TRDN: variants seen among roughly 807,000 people sequenced by gnomAD.
TRDN encodes triadin in skeletal muscle.
A neutral mutation model predicts 149.7 loss-of-function variants in TRDN; 161 were observed. The observed-to-expected ratio is 1.08, with a 90% CI of 0.95 to 1.23. The LOEUF (loss-of-function observed/expected upper bound fraction) is 1.23, where lower values mean the gene tolerates loss of function less well. Ranked by LOEUF, TRDN falls within the 50% of genes most tolerant of loss-of-function variation. The pLI, the probability that TRDN is intolerant of heterozygous loss-of-function variation, is 0.00. For synonymous variants in TRDN, 294 were observed against 250.5 expected (o/e 1.17, Z -1.64); for missense variants, 896 against 823.5 (o/e 1.09, Z -1.08).
At chr6:123,242,266 A>G (rs762597178) in intron 38 of TRDN, among the ~76,000 whole-genome samples, 3 of 152,150 alleles carry the variant, frequency 2.0e-5, no homozygotes, top group Non-Finnish European at 4.4e-5. Context: ...TTTAGAGAAA[A>G]AGTTTTCAAA....
chr6:123,400,999 T>A (rs1772945691), intron 12 of TRDN, among the ~76,000 whole-genome samples: 1 of 152,210 alleles, frequency 6.6e-6, no homozygotes, highest in African/African-American at 2.4e-5. Flanking sequence ...TTCTTGGTAC[T>A]GAGCAGCCAT....
intron 1 of TRDN, among the ~76,000 whole-genome samples, chr6:123,598,942 G>C (rs1476804190): frequency 6.6e-6 from 1 of 152,080 alleles, no homozygotes; most frequent in Non-Finnish European, 1.5e-5. Context: ...GGAAATAAAA[G>C]TAGTGCTAGG....
chr6:123,259,509 C>A, intron 35 of TRDN, 115 bp downstream of exon 35: 1 of 678,016 alleles, frequency 1.5e-6, no homozygotes. Flanking sequence ...GCTATAAAAT[C>A]AGTGTCTTCA....
At chr6:123,265,787 C>T (rs887357443) in intron 32 of TRDN, among the ~76,000 whole-genome samples, 7 of 97,742 alleles carry the variant, frequency 7.2e-5, no homozygotes, top group African/African-American at 3.0e-4. Flanking sequence ...CTAACTCTCC[C>T]AATCCCGTAT....
chr6:123,244,805 A>C (rs2114552871), intron 38 of TRDN, among the ~76,000 whole-genome samples: 1 of 152,312 alleles, frequency 6.6e-6, no homozygotes. Context: ...AGATTCACCA[A>C]GGTTGAAATG....
chr6:123,635,221 C>G (rs963114354), intron 1 of TRDN, among the ~76,000 whole-genome samples: 3 of 151,882 alleles, frequency 2.0e-5, no homozygotes, highest in Non-Finnish European at 4.4e-5. Context: ...CAACATGACA[C>G]AGAATATCTA....
chr6:123,305,362 A>T (rs1029748799), intron 24 of TRDN, among the ~76,000 whole-genome samples: 2 of 152,142 alleles, frequency 1.3e-5, no homozygotes, highest in African/African-American at 4.8e-5. Context: ...CTGTTATTAG[A>T]TTGTAACTCT....
chr6:123,574,192 A>G (rs1292275808), intron 1 of TRDN, among the ~76,000 whole-genome samples: 1 of 152,036 alleles, frequency 6.6e-6, no homozygotes, highest in Non-Finnish European at 1.5e-5. Context: ...AATTTAATTA[A>G]GATGTTTAAA....
intron 1 of TRDN, among the ~76,000 whole-genome samples, chr6:123,601,579 C>T (rs1321877): frequency 6.6e-6 from 1 of 151,820 alleles, no homozygotes; most frequent in Admixed American, 6.6e-5. Context: ...AAAAGGAGTT[C>T]CCTCCTCTAA....
At chr6:123,385,154 G>A (rs755842459) in intron 14 of TRDN, among the ~76,000 whole-genome samples, 8 of 152,138 alleles carry the variant, frequency 5.3e-5, no homozygotes, top group Non-Finnish European at 7.3e-5. Context: ...CCAGCTGGGC[G>A]CGGTGGCTCA....
chr6:123,605,858 G>T (rs1784507989), intron 1 of TRDN, among the ~76,000 whole-genome samples: 1 of 152,064 alleles, frequency 6.6e-6, no homozygotes, highest in South Asian at 2.1e-4. Flanking sequence ...TAACTTTTAT[G>T]CCTATTAAGC....
chr6:123,409,690 TACACACACACAC>T (rs5879677), intron 12 of TRDN, among the ~76,000 whole-genome samples: 2 of 149,410 alleles, frequency 1.3e-5, no homozygotes, highest in Non-Finnish European at 1.5e-5. Flanking sequence ...TAATGTAATT[TACACACACACAC>T]ACACACACAC....
In TRDN at chr6:123,333,288, G is replaced by A. The variant is rs528545437; in HGVS notation, c.1421-1359C>T. Reference sequence around the variant, plus strand: ...AAGATTCAGCATGTTGATCTAAATGGGTGAGTGTGTATGTTTGTGTGAGGG... The same window carrying A: ...AAGATTCAGCATGTTGATCTAAATGAGTGAGTGTGTATGTTTGTGTGAGGG... On this transcript the variant is annotated intron_variant, in intron 22 of 40. Transcript: ENST00000334268. Among the ~76,000 whole-genome samples the A allele has an allele frequency of 1.2e-4, 18 of 152,022 alleles. No homozygotes were observed. In the South Asian group the frequency reaches 3.1e-3, roughly 26 times the overall value.
intron 9 of TRDN, among the ~76,000 whole-genome samples, chr6:123,490,207 G>C (rs1778154876): frequency 6.6e-6 from 1 of 152,130 alleles, no homozygotes; most frequent in African/African-American, 2.4e-5. Flanking sequence ...TACTATAGTA[G>C]TTCCCTCTTA....
At chr6:123,298,307 A>G (rs1195134460) in intron 24 of TRDN, among the ~76,000 whole-genome samples, 1 of 152,016 alleles carries the variant, frequency 6.6e-6, no homozygotes, top group East Asian at 1.9e-4. Context: ...TTCTGCCTTC[A>G]TTGTAGCCTC....
intron 38 of TRDN, among the ~76,000 whole-genome samples, chr6:123,235,179 C>G (rs1246358958): frequency 6.6e-6 from 1 of 152,096 alleles, no homozygotes; most frequent in Non-Finnish European, 1.5e-5. Flanking sequence ...CAGAGGGAAA[C>G]CATGGGGAGT....
chr6:123,630,544 GT>G (rs1343702127), intron 1 of TRDN, among the ~76,000 whole-genome samples: 3 of 151,798 alleles, frequency 2.0e-5, no homozygotes, highest in Admixed American at 6.6e-5. Flanking sequence ...TTTTTGCATT[GT>G]AAAAGTAGCA....
At chr6:123,585,150 A>G (rs368386982) in intron 1 of TRDN, among the ~76,000 whole-genome samples, 1,801 of 98,794 alleles carry the variant, frequency 0.018, 25 homozygotes, top group African/African-American at 0.029. Flanking sequence ...AAGGTGGGGG[A>G]ATACAAGAGG....
chr6:123,403,318 G>T (rs1773058891), intron 12 of TRDN, among the ~76,000 whole-genome samples: 1 of 152,124 alleles, frequency 6.6e-6, no homozygotes, highest in African/African-American at 2.4e-5. Context: ...AGCATAGAAG[G>T]AAGCCTACCT....
Sources: gnomAD v4.1 joint callset for allele counts (sites outside exome capture counted in the v4.1 genomes callset) on GRCh38, gnomAD v4.1.1 for gene constraint, MANE v1.5 for transcripts, NCBI Gene and HGNC (gene_info 2026-07-23, HGNC 2026-07-21) for gene names.